MAGI3: variants seen among roughly 807,000 people sequenced by gnomAD.
MAGI3 encodes membrane associated guanylate kinase, WW and PDZ domain containing 3.
MAGI3 carries 43 observed loss-of-function variants against 121.8 expected under a neutral mutation model. The observed-to-expected ratio is 0.35, with a 90% CI of 0.28 to 0.46. The LOEUF (loss-of-function observed/expected upper bound fraction) is 0.46, where lower values mean the gene tolerates loss of function less well. Among genes scored for constraint, MAGI3 ranks in the 20% least tolerant of loss-of-function variants. The probability of loss-of-function intolerance (pLI) is 1.00; values close to 1 mark genes in which losing one functional copy is unlikely to be tolerated. For missense variants in MAGI3, 1,547 were observed against 1,797.3 expected (o/e 0.86, Z 2.52); for synonymous variants, 553 against 639.3 (o/e 0.86, Z 2.04).
At position 113,642,522 on chromosome 1, in the gene MAGI3, TAA is replaced by T. The variant is rs1246163136; in HGVS notation, c.1966+9_1966+10del. 2.5e-6 allele frequency: 4 copies of T among 1,602,166 alleles called. No homozygotes were observed. Among genetic ancestry groups the T allele is most frequent in the Non-Finnish European group, 3.4e-6 (4 of 1,173,088 alleles). ...ATTGCTTATCTTAAGAGGAGGTAAG[TAA>T]AAGCACAACATAGAAAAAGTTTCAG... On this transcript the variant is annotated splice_region_variant and intron_variant, in intron 10 of 20. Transcript: ENST00000307546.
intron 1 of MAGI3, among the ~76,000 whole-genome samples, chr1:113,444,810 A>G (rs1305328701): frequency 6.6e-6 from 1 of 152,190 alleles, no homozygotes; most frequent in Non-Finnish European, 1.5e-5. Context: ...GACTTTGAAC[A>G]ACTGTCTTAA....
intron 11 of MAGI3, among the ~76,000 whole-genome samples, chr1:113,644,895 A>G (rs1306265757): frequency 1.3e-5 from 2 of 152,174 alleles, no homozygotes; most frequent in African/African-American, 2.4e-5. Flanking sequence ...AAATCAAAAG[A>G]TGGCCTTCCA....
intron 2 of MAGI3, among the ~76,000 whole-genome samples, chr1:113,550,965 A>G (rs1659762459): frequency 9.4e-6 from 1 of 106,440 alleles, no homozygotes; most frequent in Non-Finnish European, 2.3e-5. Context: ...ACAAGAAAAA[A>G]AAAAAAGAAG....
chr1:113,634,645 G>A (rs1397580116), intron 9 of MAGI3, among the ~76,000 whole-genome samples: 2 of 151,882 alleles, frequency 1.3e-5, no homozygotes, highest in African/African-American at 4.8e-5. Context: ...TAGCCTTGTA[G>A]TAGGTTGAAG....
intron 1 of MAGI3, among the ~76,000 whole-genome samples, chr1:113,462,506 G>T (rs2101520352): frequency 6.6e-6 from 1 of 151,926 alleles, no homozygotes; most frequent in South Asian, 2.1e-4. Context: ...GGAGCTAAAT[G>T]ATAAGAACCT....
At chr1:113,668,862 G>A (rs1647348057) in intron 16 of MAGI3, among the ~76,000 whole-genome samples, 1 of 152,038 alleles carries the variant, frequency 6.6e-6, no homozygotes, top group Non-Finnish European at 1.5e-5. Flanking sequence ...GATTACAGGC[G>A]TGAGCCACCG....
At chr1:113,588,110 G>T (rs979512113) in intron 4 of MAGI3, among the ~76,000 whole-genome samples, 1 of 152,208 alleles carries the variant, frequency 6.6e-6, no homozygotes, top group African/African-American at 2.4e-5. Context: ...GTTAGATGGT[G>T]CTACAGAGAA....
intron 1 of MAGI3, among the ~76,000 whole-genome samples, chr1:113,534,883 A>G (rs1266210180): frequency 6.6e-6 from 1 of 152,068 alleles, no homozygotes; most frequent in Non-Finnish European, 1.5e-5. Flanking sequence ...GTTTTCTTGT[A>G]CATAATTTAC....
At chr1:113,433,474 A>C (rs1653406712) in intron 1 of MAGI3, among the ~76,000 whole-genome samples, 1 of 152,238 alleles carries the variant, frequency 6.6e-6, no homozygotes, top group South Asian at 2.1e-4. Flanking sequence ...CATAGCTATT[A>C]GGAAATAACC....
chr1:113,569,912 T>C (rs765253070), intron 2 of MAGI3, among the ~76,000 whole-genome samples: 7 of 152,224 alleles, frequency 4.6e-5, no homozygotes, highest in Non-Finnish European at 8.8e-5. Context: ...CTGGAATACA[T>C]GTGCAGAATG....
At chr1:113,443,987 C>T (rs1654043151) in intron 1 of MAGI3, among the ~76,000 whole-genome samples, 1 of 152,212 alleles carries the variant, frequency 6.6e-6, no homozygotes, top group Non-Finnish European at 1.5e-5. Flanking sequence ...CTCACCTAGA[C>T]AACAACTGCA....
intron 2 of MAGI3, among the ~76,000 whole-genome samples, chr1:113,571,018 G>A (rs1172425616): frequency 6.6e-6 from 1 of 152,060 alleles, no homozygotes; most frequent in Admixed American, 6.5e-5. Flanking sequence ...GGGTTTTTAT[G>A]GTTTTAGGTC....
intron 1 of MAGI3, among the ~76,000 whole-genome samples, chr1:113,439,556 T>A (rs189529674): frequency 6.6e-6 from 1 of 152,316 alleles, no homozygotes; most frequent in African/African-American, 2.4e-5. Flanking sequence ...ATGACTATAC[T>A]GTAGTGTTTT....
intron 1 of MAGI3, among the ~76,000 whole-genome samples, chr1:113,514,435 C>T (rs561471602): frequency 3.3e-5 from 5 of 152,032 alleles, no homozygotes; most frequent in Non-Finnish European, 5.9e-5. Flanking sequence ...CCATGGAATA[C>T]TATGCAGCCA....
intron 14 of MAGI3, among the ~76,000 whole-genome samples, chr1:113,651,711 G>A (rs1030110526): frequency 6.6e-6 from 1 of 152,108 alleles, no homozygotes; most frequent in African/African-American, 2.4e-5. Flanking sequence ...GGCTGGTCTC[G>A]AACTCTTGAC....
chr1:113,654,783 C>T (rs1653379800), intron 15 of MAGI3, among the ~76,000 whole-genome samples: 1 of 151,712 alleles, frequency 6.6e-6, no homozygotes, highest in South Asian at 2.1e-4. Flanking sequence ...ATATGAGAAC[C>T]AGCTCCAAGT....
chr1:113,399,916 A>T (rs1651312879), intron 1 of MAGI3, among the ~76,000 whole-genome samples: 1 of 152,156 alleles, frequency 6.6e-6, no homozygotes, highest in African/African-American at 2.4e-5. Context: ...GGTCTTTTTA[A>T]ACACAAATTG....
chr1:113,557,762 G>T (rs1386802585), intron 2 of MAGI3, among the ~76,000 whole-genome samples: 1 of 152,184 alleles, frequency 6.6e-6, no homozygotes, highest in Non-Finnish European at 1.5e-5. Context: ...GACTGGGTGA[G>T]ACCTCCTTAC....
chr1:113,455,263 G>C (rs1654690572), intron 1 of MAGI3, among the ~76,000 whole-genome samples: 1 of 152,154 alleles, frequency 6.6e-6, no homozygotes, highest in African/African-American at 2.4e-5. Flanking sequence ...GGATCAGGGA[G>C]AGATCCTAAA....
Sources: gnomAD v4.1 joint callset for allele counts (sites outside exome capture counted in the v4.1 genomes callset) on GRCh38, gnomAD v4.1.1 for gene constraint, MANE v1.5 for transcripts, NCBI Gene and HGNC (gene_info 2026-07-23, HGNC 2026-07-21) for gene names.